Variants in TNFRSF10A observed in about 807,000 individuals in gnomAD.
TNFRSF10A encodes tumor necrosis factor receptor superfamily member 10A.
Under a neutral mutation model 42.8 loss-of-function variants are expected in TNFRSF10A, and 44 were observed. That is an observed-to-expected ratio of 1.03 (90% CI 0.81 to 1.32). The LOEUF (loss-of-function observed/expected upper bound fraction) is 1.32, where lower values mean the gene tolerates loss of function less well. TNFRSF10A is among the 40% of genes most tolerant of loss of function. The pLI is 0.00. For synonymous variants in TNFRSF10A, 259 were observed against 234.2 expected, an observed-to-expected ratio of 1.11 and a Z score of -0.97; for missense variants, 680 against 602.0, an observed-to-expected ratio of 1.13 and a Z score of -1.36.
At chr8:23,212,831 C>A (rs1244902020) in intron 1 of TNFRSF10A, among the ~76,000 whole-genome samples, 1 of 152,206 alleles carries the variant, frequency 6.6e-6, no homozygotes, top group Non-Finnish European at 1.5e-5. Context: ...TAGTGAAAGA[C>A]TAAAGGTTTT....
intron 2 of TNFRSF10A, among the ~76,000 whole-genome samples, chr8:23,203,910 G>A (rs1334558770): frequency 1.3e-5 from 2 of 151,880 alleles, no homozygotes; most frequent in East Asian, 3.9e-4. Context: ...CCGAGTAGCT[G>A]GGACTACAGG....
At chr8:23,213,136 T>C (rs374985818) in intron 1 of TNFRSF10A, among the ~76,000 whole-genome samples, 124 of 152,314 alleles carry the variant, frequency 8.1e-4, no homozygotes, top group African/African-American at 2.8e-3. Context: ...AGTGTGTTTT[T>C]AGTAATTTAC....
chr8:23,203,924 G>A (rs189613770), intron 2 of TNFRSF10A, among the ~76,000 whole-genome samples: 9 of 152,050 alleles, frequency 5.9e-5, no homozygotes, highest in Middle Eastern at 3.4e-3. Flanking sequence ...CTACAGGAGC[G>A]TGCCACCACG....
In TNFRSF10A at chr8:23,190,661, C is replaced by G. The variant is rs915583382; in HGVS notation, c.*1033G>C. 1 of 152,170 alleles carries G rather than the reference C, an allele frequency of 6.6e-6. No homozygotes were observed. The highest frequency in any genetic ancestry group is 1.5e-5 in the Non-Finnish European group (1 of 68,032). The allele number at this position is 152,170 out of a possible 1,614,324, so 9.4% of individuals were successfully genotyped here. A position where few individuals can be genotyped will look rare whatever the true frequency, so the allele number is the denominator to read the frequency against. Reference sequence around the variant, plus strand: ...TACTGGACGGCCACCATCTTATATGCTGTTCCCTTGACTGAAATGTTGTGG... The same window carrying G: ...TACTGGACGGCCACCATCTTATATGGTGTTCCCTTGACTGAAATGTTGTGG... On this transcript the variant is annotated 3_prime_UTR_variant, in exon 10 of 10. Coordinates refer to ENST00000221132, the MANE Select transcript of TNFRSF10A (RefSeq NM_003844.4).
At chr8:23,222,258 C>T (rs1801268087) in intron 1 of TNFRSF10A, among the ~76,000 whole-genome samples, 1 of 152,174 alleles carries the variant, frequency 6.6e-6, no homozygotes, top group African/African-American at 2.4e-5. Flanking sequence ...AAACAAAATT[C>T]TACATTGATG....
At chr8:23,205,551 C>A (rs867796925) in intron 2 of TNFRSF10A, among the ~76,000 whole-genome samples, 1 of 152,062 alleles carries the variant, frequency 6.6e-6, no homozygotes, top group Non-Finnish European at 1.5e-5. Flanking sequence ...CAGCCTCATG[C>A]AGTTTTCCAG....
chr8:23,200,464 G>T (rs1800890753), intron 6 of TNFRSF10A, 41 bp downstream of exon 6: 4 of 1,605,708 alleles, frequency 2.5e-6, no homozygotes, highest in Non-Finnish European at 3.4e-6. Flanking sequence ...AGAAGGCAGG[G>T]CAGAGAGTGC....
intron 2 of TNFRSF10A, among the ~76,000 whole-genome samples, chr8:23,204,537 C>A (rs1250563840): frequency 1.3e-5 from 2 of 152,134 alleles, no homozygotes; most frequent in African/African-American, 4.8e-5. Flanking sequence ...ACTTGAACAA[C>A]ACTATTAACA....
chr8:23,220,940 CAGA>C (rs1267406045), intron 1 of TNFRSF10A, among the ~76,000 whole-genome samples: 3 of 152,230 alleles, frequency 2.0e-5, no homozygotes, highest in African/African-American at 7.2e-5. Flanking sequence ...GGGTGCCCAC[CAGA>C]AGGACAACTG....
At chr8:23,203,764 C>T (rs1397793558) in intron 2 of TNFRSF10A, among the ~76,000 whole-genome samples, 4 of 151,336 alleles carry the variant, frequency 2.6e-5, no homozygotes, top group African/African-American at 9.7e-5. Context: ...AAGGTTACTA[C>T]TGAAAAATAA....
chr8:23,200,671 C>T lies in TNFRSF10A; in HGVS notation c.703+16G>A. ...TGTCTCCTCTGCAGCTGGGGCTTCC[C>T]CAGTGGGCTTTGTACCTGATTCTTT... On this transcript the variant is annotated intron_variant, in intron 5 of 9. Transcript: ENST00000221132. 6.2e-7 allele frequency: 1 copy of T among 1,614,154 alleles called. No individual in the cohort carries two copies. Among genetic ancestry groups the T allele is most frequent in the Non-Finnish European group, 8.5e-7 (1 of 1,180,026 alleles).
At chr8:23,217,387 T>G (rs747700774) in intron 1 of TNFRSF10A, among the ~76,000 whole-genome samples, 1 of 152,106 alleles carries the variant, frequency 6.6e-6, no homozygotes, top group African/African-American at 2.4e-5. Flanking sequence ...CAGCTAATTT[T>G]TGTATTTTTA....
intron 1 of TNFRSF10A, among the ~76,000 whole-genome samples, chr8:23,213,752 T>C (rs1219624080): frequency 6.6e-6 from 1 of 151,958 alleles, no homozygotes; most frequent in East Asian, 1.9e-4. Context: ...CTGTTTGCTC[T>C]TCATTTTCTA....
Position 23,191,636 on chromosome 8 carries a change from A to AC in TNFRSF10A, c.*57_*58insG. The AC allele has an allele frequency of 6.8e-7, 1 of 1,479,582 alleles. No homozygotes were observed. The highest frequency in any genetic ancestry group is 8.9e-7 in the Non-Finnish European group (1 of 1,122,388). 91.7% of individuals were successfully genotyped at this position (1,479,582 alleles called of 1,614,324 possible). A position where few individuals can be genotyped will look rare whatever the true frequency, so the allele number is the denominator to read the frequency against. ...TTGTATACATGTTAAAAAAAAAAAA[A>AC]ACCTAATATGTATTAACTCCTAACA... On this transcript the variant is annotated 3_prime_UTR_variant, in exon 10 of 10. Transcript: ENST00000221132.
At chr8:23,200,444 T>G (rs1315080765) in intron 6 of TNFRSF10A, 61 bp downstream of exon 6, 1 of 1,586,204 alleles carries the variant, frequency 6.3e-7, no homozygotes, top group Non-Finnish European at 8.7e-7. Flanking sequence ...TTTCTGTCTG[T>G]GGGAACAGAA....
At chr8:23,222,167 G>A (rs1258087248) in intron 1 of TNFRSF10A, among the ~76,000 whole-genome samples, 1 of 152,162 alleles carries the variant, frequency 6.6e-6, no homozygotes, top group Admixed American at 6.5e-5. Context: ...GTTAGCCACC[G>A]CACCCGGCCA....
In TNFRSF10A at chr8:23,191,344, G is replaced by C. The variant is rs994475888; in HGVS notation, c.*350C>G. 2 of 299,112 alleles carry C rather than the reference G, an allele frequency of 6.7e-6. No homozygotes were observed. Among genetic ancestry groups the C allele is most frequent in the African/African-American group, 2.2e-5 (1 of 46,398 alleles). 18.5% of individuals were successfully genotyped at this position (299,112 alleles called of 1,614,324 possible). A position where few individuals can be genotyped will look rare whatever the true frequency, so the allele number is the denominator to read the frequency against. On this transcript the variant is annotated 3_prime_UTR_variant, in exon 10 of 10. Coordinates refer to ENST00000221132, the MANE Select transcript of TNFRSF10A (RefSeq NM_003844.4). ...TTATCTTGAGACAGAGTCTTGCTCT[G>C]TGTCCCAGGCTGGAGTGCAGTGGTG...
At chr8:23,196,162 C>T in intron 9 of TNFRSF10A, among the ~76,000 whole-genome samples, 1 of 151,952 alleles carries the variant, frequency 6.6e-6, no homozygotes. Context: ...TGCTTCCTTA[C>T]CCCTCCCTAG....
rs544625936 is a variant in TNFRSF10A at position 23,203,514 on chromosome 8, C to T, written c.404-753G>A. Among the ~76,000 whole-genome samples, 11 of 152,328 alleles carry T rather than the reference C, an allele frequency of 7.2e-5. No homozygotes were observed. The East Asian group carries it at 7.7e-4, about 11-fold the overall frequency. On this transcript the variant is annotated intron_variant, in intron 2 of 9. Transcript: ENST00000221132. ...GACAGCCTGCAGGAGCTGTCGCCAG[C>T]GGGAGCCCATGTCTGGAGGCTCGAC...
Sources: allele counts gnomAD v4.1 joint callset (sites outside exome capture counted in the v4.1 genomes callset), GRCh38; gene constraint gnomAD v4.1.1; transcripts MANE v1.5; gene names NCBI Gene and HGNC (gene_info 2026-07-23, HGNC 2026-07-21).